ATP10B: variants seen among roughly 807,000 people sequenced by gnomAD.
ATP10B encodes the protein ATPase phospholipid transporting 10B (putative).
A neutral mutation model predicts 141.2 loss-of-function variants in ATP10B; 122 were observed. The ratio of observed to expected loss-of-function variants is 0.86; its 90% CI spans 0.75 to 1.00. ATP10B has a LOEUF of 1.00. ATP10B is among the 50% of genes least tolerant of loss of function. The probability of loss-of-function intolerance (pLI) is 0.00; values close to 1 mark genes in which losing one functional copy is unlikely to be tolerated. For missense variants in ATP10B, 1,876 were observed against 1,825.3 expected (o/e 1.03, Z -0.51); for synonymous variants, 685 against 692.0 (o/e 0.99, Z 0.16).
chr5:160,572,246 T>A (rs1296060184), intron 24 of ATP10B, among the ~76,000 whole-genome samples: 1 of 152,076 alleles, frequency 6.6e-6, no homozygotes, highest in African/African-American at 2.4e-5. Context: ...CAGTGAGGGA[T>A]GTGATCTAAA....
At position 160,641,811 on chromosome 5, in the gene ATP10B, C is replaced by T. The variant is rs140963702; in HGVS notation, c.869-1219G>A. On this transcript the variant is annotated intron_variant, in intron 9 of 25. Coordinates refer to ENST00000327245, the MANE Select transcript of ATP10B (RefSeq NM_025153.3). ...CCAATACATCAGCTCCAGAAGCAAA[C>T]GGCTTTTATGCTGTTTAGCTGGTTG... is the stretch of plus-strand genomic sequence containing the variant. Among the ~76,000 whole-genome samples the T allele has an allele frequency of 5.3e-4, 80 of 152,304 alleles. No homozygotes were observed. The East Asian group carries it at 0.01, about 19-fold the overall frequency.
intron 6 of ATP10B, among the ~76,000 whole-genome samples, chr5:160,676,519 C>T (rs147349430): frequency 1.2e-3 from 179 of 152,200 alleles, no homozygotes; most frequent in South Asian, 0.01. Flanking sequence ...TTTTAAAGTA[C>T]GTAAGAAGCT....
intron 24 of ATP10B, among the ~76,000 whole-genome samples, chr5:160,579,655 T>C (rs115909009): frequency 0.011 from 1,663 of 152,302 alleles, 14 homozygotes; most frequent in Non-Finnish European, 0.018. Flanking sequence ...TATGGGTTGT[T>C]TTGGTTCCAT....
the ATP10B span, among the ~76,000 whole-genome samples, chr5:160,905,607 C>A: frequency 4.6e-5 from 7 of 152,004 alleles, no homozygotes; most frequent in Admixed American, 1.3e-4. Flanking sequence ...AATAATAAGA[C>A]CTTTGCATGG....
the ATP10B span, among the ~76,000 whole-genome samples, chr5:160,881,309 G>C: frequency 6.6e-6 from 1 of 152,106 alleles, no homozygotes; most frequent in Non-Finnish European, 1.5e-5. Context: ...AACAAGAATG[G>C]GGAATAAGAG....
At chr5:160,805,763 C>T (rs1367253132) in intron 1 of ATP10B, among the ~76,000 whole-genome samples, 2 of 152,188 alleles carry the variant, frequency 1.3e-5, no homozygotes, top group East Asian at 3.9e-4. Context: ...GAGCAGCCGG[C>T]TCCAGATTTA....
chr5:160,633,317 C>A (rs1759071401), intron 12 of ATP10B: 1 of 152,220 alleles, frequency 6.6e-6, no homozygotes, highest in Non-Finnish European at 1.5e-5. Context: ...ACCCCAGTGC[C>A]CATCAGCGAT....
chr5:160,640,830 A>T (rs1759803788), intron 9 of ATP10B, among the ~76,000 whole-genome samples: 1 of 152,182 alleles, frequency 6.6e-6, no homozygotes, highest in South Asian at 2.1e-4. Flanking sequence ...GCACTGAGAG[A>T]GCTCCCATGC....
chr5:160,716,566 GT>G, intron 3 of ATP10B, among the ~76,000 whole-genome samples: 1 of 152,188 alleles, frequency 6.6e-6, no homozygotes, highest in East Asian at 1.9e-4. Context: ...AAAATGTAAA[GT>G]TGAGCAAAAA....
At chr5:160,668,944 C>T (rs1289413411) in intron 7 of ATP10B, among the ~76,000 whole-genome samples, 3 of 152,114 alleles carry the variant, frequency 2.0e-5, no homozygotes, top group Non-Finnish European at 2.9e-5. Flanking sequence ...GACCCTTGCT[C>T]CTAGAACTTA....
chr5:160,681,655 A>G (rs1763408321), intron 6 of ATP10B, among the ~76,000 whole-genome samples: 1 of 152,208 alleles, frequency 6.6e-6, no homozygotes, highest in Non-Finnish European at 1.5e-5. Flanking sequence ...GAAACTTATT[A>G]TTCTTTTGCA....
chr5:160,633,183 T>C (rs141986055), intron 12 of ATP10B: 19 of 152,348 alleles, frequency 1.2e-4, no homozygotes, highest in Non-Finnish European at 2.1e-4. Context: ...GAACCAGAAA[T>C]ACCATTTGAC....
At chr5:160,878,304 T>C in the ATP10B span, among the ~76,000 whole-genome samples, 4 of 151,822 alleles carry the variant, frequency 2.6e-5, no homozygotes, top group Admixed American at 2.0e-4. Flanking sequence ...ATTTAATAAA[T>C]GGTGCTGGGA....
At chr5:160,637,690 T>C (rs1759522835) in intron 10 of ATP10B, among the ~76,000 whole-genome samples, 2 of 152,202 alleles carry the variant, frequency 1.3e-5, no homozygotes, top group African/African-American at 4.8e-5. Context: ...AATAATACCT[T>C]CTCTATAGAG....
At chr5:160,604,326 G>C (rs1757260446) in intron 19 of ATP10B, among the ~76,000 whole-genome samples, 1 of 152,024 alleles carries the variant, frequency 6.6e-6, no homozygotes, top group African/African-American at 2.4e-5. Flanking sequence ...AAGAGACTTG[G>C]GCAGTTTTCA....
At position 160,644,143 on chromosome 5, in the gene ATP10B, T is replaced by G. The variant is rs755812137; in HGVS notation, c.863A>C (p.Tyr288Ser). 6.2e-7 allele frequency: 1 copy of G among 1,613,294 alleles called. No individual in the cohort carries two copies. Among genetic ancestry groups the G allele is most frequent in the Non-Finnish European group, 8.5e-7 (1 of 1,179,328 alleles). ...NTEMAVGIVIYAGHETKAMLN... is the reference protein window; with the variant it reads ...NTEMAVGIVISAGHETKAMLN... ...GAAACTACCCAGACAATGACCTGCA[T>G]AGATGACAATGCCAACAGCCATCTC... is the stretch of plus-strand genomic sequence containing the variant. The change falls in exon 9 of 26, where the codon TAT (tyrosine) becomes TCT (serine). Residue 288 changes from tyrosine to serine, a missense_variant. By Grantham distance (144) the Tyr-to-Ser change is moderately radical. Transcript: ENST00000327245.
At chr5:160,836,631 C>T (rs1306524348) in intron 1 of ATP10B, among the ~76,000 whole-genome samples, 2 of 152,108 alleles carry the variant, frequency 1.3e-5, no homozygotes, top group Non-Finnish European at 2.9e-5. Flanking sequence ...TCTTTGCTTC[C>T]TTAGCTTTTA....
In ATP10B at chr5:160,598,836, G is replaced by A. The variant is rs989675762; in HGVS notation, c.3498C>T (p.Asp1166=). The A allele has an allele frequency of 6.2e-7, 1 of 1,614,192 alleles. No individual in the cohort carries two copies. The highest frequency in any genetic ancestry group is 1.7e-5 in the Admixed American group (1 of 60,024). ...SLPPLVFGVL[D]KDISAETLLA... The stretch of plus-strand genomic sequence containing the variant: ...GGAGTGTTTCTGCAGAGATGTCTTT[G>A]TCAAGGACTCCAAAGACAAGAGGAG... Residue 1166 remains aspartate (D), a synonymous_variant, in exon 22 of 26, where the codon GAC becomes GAT. Transcript: ENST00000327245.
chr5:160,906,803 G>T, the ATP10B span, among the ~76,000 whole-genome samples: 2 of 152,150 alleles, frequency 1.3e-5, no homozygotes, highest in Admixed American at 6.5e-5. Flanking sequence ...TAAGGTACAG[G>T]AATAAGAAGC....
Sources: allele counts gnomAD v4.1 joint callset (sites outside exome capture counted in the v4.1 genomes callset), GRCh38; gene constraint gnomAD v4.1.1; transcripts MANE v1.5; gene names NCBI Gene and HGNC (gene_info 2026-07-23, HGNC 2026-07-21).